Variants in SV2B observed in about 807,000 individuals in gnomAD.
SV2B encodes synaptic vesicle glycoprotein 2B, also known as solute carrier family 22 member B2.
SV2B carries 41 observed loss-of-function variants against 73.9 expected under a neutral mutation model. The observed-to-expected ratio is 0.56, with a 90% CI of 0.43 to 0.72. The LOEUF (loss-of-function observed/expected upper bound fraction) is 0.72, where lower values mean the gene tolerates loss of function less well. Among genes scored for constraint, SV2B ranks in the 30% least tolerant of loss-of-function variants. SV2B has a pLI of 0.00. For synonymous variants in SV2B, 314 were observed against 314.2 expected, an observed-to-expected ratio of 1.00 and a Z score of 0.01; for missense variants, 764 against 857.8, an observed-to-expected ratio of 0.89 and a Z score of 1.37.
chr15:91,221,372 G>T (rs1199071965), intron 1 of SV2B, among the ~76,000 whole-genome samples: 1 of 152,134 alleles, frequency 6.6e-6, no homozygotes, highest in East Asian at 1.9e-4. Context: ...GCAGAGTCAG[G>T]ATTGGAACCT....
intron 1 of SV2B, among the ~76,000 whole-genome samples, chr15:91,191,394 T>C (rs7173731): frequency 0.63 from 96,341 of 151,742 alleles, 31,503 homozygotes; most frequent in East Asian, 0.78. Context: ...CCTTCCACCC[T>C]GATACATCAT....
Position 91,253,956 on chromosome 15 carries a change from G to A in SV2B, c.784+1436G>A, listed in dbSNP as rs969763630. Among the ~76,000 whole-genome samples the A allele has an allele frequency of 1.3e-5, 2 of 152,120 alleles. No individual in the cohort carries two copies. The highest frequency in any genetic ancestry group is 4.8e-5 in the African/African-American group (2 of 41,416). ...AACAGAAAAAATATGAAAAGGAATA[G>A]TGAAATAAAGAGTTGAAGAGTTTTC... On this transcript the variant is annotated intron_variant, in intron 4 of 12. Transcript: ENST00000394232. This position sits in a 1 kb window ranked among gnomAD's most constrained non-coding sequence, Gnocchi z 5.0.
At chr15:91,133,502 G>T (rs2042720316) in intron 1 of SV2B, among the ~76,000 whole-genome samples, 1 of 151,988 alleles carries the variant, frequency 6.6e-6, no homozygotes, top group Non-Finnish European at 1.5e-5. Context: ...TCAGAGGTAG[G>T]CACAAATAGC....
chr15:91,278,819 A>G (rs2048588666), intron 9 of SV2B, among the ~76,000 whole-genome samples: 1 of 151,938 alleles, frequency 6.6e-6, no homozygotes, highest in Non-Finnish European at 1.5e-5. Flanking sequence ...TCAGATTAGG[A>G]CCTGATCTAA....
At chr15:91,237,113 C>T (rs910377204) in intron 2 of SV2B, among the ~76,000 whole-genome samples, 6 of 152,138 alleles carry the variant, frequency 3.9e-5, no homozygotes, top group African/African-American at 1.4e-4. Flanking sequence ...ACTCCATCTT[C>T]TAATGGAGGA....
chr15:91,251,404 G>A (rs8027498), intron 2 of SV2B, among the ~76,000 whole-genome samples: 44,941 of 152,114 alleles, frequency 0.3, 7,417 homozygotes, highest in African/African-American at 0.45. Context: ...CACTTCTACC[G>A]TGTTCTTCCT....
intron 2 of SV2B, among the ~76,000 whole-genome samples, chr15:91,248,027 C>CTT (rs1215820432): frequency 2.0e-5 from 3 of 152,134 alleles, no homozygotes; most frequent in Non-Finnish European, 4.4e-5. Flanking sequence ...ATATTTTGAT[C>CTT]CATGTGTACA....
intron 12 of SV2B, among the ~76,000 whole-genome samples, chr15:91,291,336 A>G (rs1032119569): frequency 6.6e-6 from 1 of 152,110 alleles, no homozygotes; most frequent in African/African-American, 2.4e-5. Flanking sequence ...AACAAAAAAG[A>G]CTGGGTTGAT....
At chr15:91,164,149 A>T (rs190910307) in intron 1 of SV2B, among the ~76,000 whole-genome samples, 100 of 152,166 alleles carry the variant, frequency 6.6e-4, no homozygotes, top group Middle Eastern at 6.8e-3. Flanking sequence ...TAGTAGAATC[A>T]ATATCGTGAA....
rs749935361 is a variant in SV2B, at chr15:91,298,321, C to T, written c.*5769C>T. 1.4e-4 allele frequency: 21 copies of T among 152,172 alleles called. No individual in the cohort carries two copies. Among genetic ancestry groups the T allele is most frequent in the South Asian group, 2.1e-4 (1 of 4,824 alleles). The allele number at this position is 152,172 out of a possible 1,614,324, so 9.4% of individuals were successfully genotyped here. ...ATTGTGCTTTTGCATGTAGCTGTGT[C>T]GCATTTAGGCCCAGCTCTAAGAACC... is the stretch of plus-strand genomic sequence containing the variant. On this transcript the variant is annotated 3_prime_UTR_variant, in exon 13 of 13. Transcript: ENST00000394232. The surrounding 1 kb of genome is among the most constrained non-coding windows in gnomAD (Gnocchi z 5.4).
At chr15:91,196,320 G>T (rs982132057) in intron 1 of SV2B, among the ~76,000 whole-genome samples, 1 of 152,238 alleles carries the variant, frequency 6.6e-6, no homozygotes, top group Non-Finnish European at 1.5e-5. Flanking sequence ...AAAATAAGAT[G>T]CTGTTAAGTG....
chr15:91,275,139 A>T (rs1053205572), intron 9 of SV2B, among the ~76,000 whole-genome samples: 1 of 152,106 alleles, frequency 6.6e-6, no homozygotes, highest in African/African-American at 2.4e-5. Flanking sequence ...GTAATTATTT[A>T]TATGGTTGAA....
chr15:91,192,669 A>G (rs961871554), intron 1 of SV2B, among the ~76,000 whole-genome samples: 2 of 152,266 alleles, frequency 1.3e-5, no homozygotes, highest in African/African-American at 4.8e-5. Flanking sequence ...GATGGAGAAG[A>G]AAAGGGGAAG....
At position 91,107,173 on chromosome 15, in the gene SV2B, G is replaced by A. The variant is rs114858816; in HGVS notation, c.-392+6810G>A. On this transcript the variant is annotated intron_variant, in intron 1 of 12. Coordinates refer to ENST00000394232, the MANE Select transcript of SV2B (RefSeq NM_001323032.3). ...CCAGAAGGAAGTGTGAGAAAGAGATGCAAGCTGCCCTTCATTTTTACGTGT... is the reference window on the plus strand; with the variant it reads ...CCAGAAGGAAGTGTGAGAAAGAGATACAAGCTGCCCTTCATTTTTACGTGT... Among the ~76,000 whole-genome samples the A allele has an allele frequency of 7.6e-3, 1,159 of 152,120 alleles. 17 individuals carry two copies. Among genetic ancestry groups the A allele is most frequent in the African/African-American group, 0.027 (1,105 of 41,474 alleles).
chr15:91,198,450 C>T (rs980493957), intron 1 of SV2B, among the ~76,000 whole-genome samples: 3 of 97,586 alleles, frequency 3.1e-5, no homozygotes, highest in Admixed American at 1.9e-4. Flanking sequence ...CCAAGAAGCA[C>T]GTGTATGTGT....
chr15:91,151,291 G>A (rs1596481571), intron 1 of SV2B, among the ~76,000 whole-genome samples: 1 of 152,190 alleles, frequency 6.6e-6, no homozygotes, highest in Non-Finnish European at 1.5e-5. Flanking sequence ...ATTACCAGGT[G>A]GCTTCCATAG....
intron 1 of SV2B, among the ~76,000 whole-genome samples, chr15:91,186,537 G>C (rs928875414): frequency 6.6e-6 from 1 of 152,136 alleles, no homozygotes; most frequent in East Asian, 1.9e-4. Flanking sequence ...CTACCAACAA[G>C]GTAGTTATCA....
intron 2 of SV2B, among the ~76,000 whole-genome samples, chr15:91,237,026 T>TCAGG (rs575247648): frequency 1.3e-5 from 2 of 152,000 alleles, no homozygotes; most frequent in African/African-American, 4.8e-5. Flanking sequence ...GCCTCAGAAG[T>TCAGG]CAGGCATGTT....
chr15:91,199,657 A>G (rs2045390573), intron 1 of SV2B, among the ~76,000 whole-genome samples: 1 of 152,188 alleles, frequency 6.6e-6, no homozygotes, highest in Non-Finnish European at 1.5e-5. Context: ...AATCACAGGT[A>G]GTAGGAGCTG....
Sources: gnomAD v4.1 joint callset for allele counts (sites outside exome capture counted in the v4.1 genomes callset) on GRCh38, gnomAD v4.1.1 for gene constraint, Gnocchi (gnomAD v3.1) non-coding constraint, MANE v1.5 for transcripts, NCBI Gene and HGNC (gene_info 2026-07-23, HGNC 2026-07-21) for gene names.